The following TRPM7 variants were observed in gnomAD, a reference collection of about 807,000 sequenced individuals.
TRPM7 encodes transient receptor potential cation channel subfamily M member 7, also known as LTRPC ion channel family member 7.
In TRPM7, 134 loss-of-function variants were observed where a neutral mutation model predicts 229.7. The ratio of observed to expected loss-of-function variants is 0.58; its 90% CI spans 0.51 to 0.67. The LOEUF (loss-of-function observed/expected upper bound fraction) is 0.67. Among genes scored for constraint, TRPM7 ranks in the 30% least tolerant of loss-of-function variants. TRPM7 has a pLI of 0.00. For synonymous variants in TRPM7, 699 were observed against 715.2 expected, an observed-to-expected ratio of 0.98 and a Z score of 0.36; for missense variants, 1,901 against 2,210.0, an observed-to-expected ratio of 0.86 and a Z score of 2.80.
intron 17 of TRPM7, 50 bp from the exon 18 acceptor site, chr15:50,610,011 G>T: frequency 8.0e-7 from 1 of 1,253,428 alleles, no homozygotes; most frequent in Non-Finnish European, 1.1e-6. Context: ...TGACCTTCAA[G>T]AATATAATAA....
chr15:50,632,046 T>C (rs1248816942), intron 9 of TRPM7, among the ~76,000 whole-genome samples: 1 of 152,186 alleles, frequency 6.6e-6, no homozygotes, highest in Admixed American at 6.6e-5. Context: ...CTCATGCTTG[T>C]AATCCCAGCA....
intron 28 of TRPM7, among the ~76,000 whole-genome samples, chr15:50,584,632 TTA>T: frequency 6.6e-6 from 1 of 151,490 alleles, no homozygotes; most frequent in Non-Finnish European, 1.5e-5. Context: ...TTTTTTTTTT[TTA>T]AATTTTGGAA....
In TRPM7 at chr15:50,609,836, G is replaced by A; in HGVS notation, c.2406C>T (p.Asn802=). The A allele has an allele frequency of 6.2e-7, 1 of 1,612,786 alleles. No homozygotes were observed. The highest frequency in any genetic ancestry group is 8.5e-7 in the Non-Finnish European group (1 of 1,179,404). ...HQMTMDDSEN[N]FQNITEEIPM... The stretch of plus-strand genomic sequence containing the variant: ...GGATCTCTTCTGTTATGTTCTGAAA[G>A]TTGTTTTCGCTGTCATCCATTGTCA... Residue 802 remains asparagine, a synonymous_variant, in exon 18 of 39, where the codon AAC becomes AAT. Transcript: ENST00000646667.
At position 50,618,565 on chromosome 15, in the gene TRPM7, G is replaced by A. The variant is rs567098787; in HGVS notation, c.1494+1180C>T. Among the ~76,000 whole-genome samples, 129 of 136,284 alleles carry A rather than the reference G, an allele frequency of 9.5e-4. 1 individual carries two copies. Among genetic ancestry groups the A allele is most frequent in the African/African-American group, 3.4e-3 (119 of 35,442 alleles). The allele number at this position is 136,284 out of a possible 152,430, so 89.4% of individuals were successfully genotyped here. Reference sequence around the variant, plus strand: ...AGCCTGGGCGACAGAGCAAGATTCCGTCTCAATAAATAAATAAATAAATAA... The same window carrying A: ...AGCCTGGGCGACAGAGCAAGATTCCATCTCAATAAATAAATAAATAAATAA... On this transcript the variant is annotated intron_variant, in intron 13 of 38. Transcript: ENST00000646667.
In TRPM7 at chr15:50,570,880, A is replaced by G. The variant is rs964821285; in HGVS notation, c.5309-725T>C. ...AAAAAAAAACAAAAACAAAAACAAA[A>G]AACAAGTGTTTGGGATTTAAGGGAA... On this transcript the variant is annotated intron_variant, in intron 36 of 38. Transcript: ENST00000646667. Among the ~76,000 whole-genome samples the G allele has an allele frequency of 5.3e-5, 8 of 151,836 alleles. No homozygotes were observed. In the East Asian group the frequency reaches 1.3e-3, roughly 26 times the overall value.
chr15:50,643,283 G>A (rs978821444), intron 5 of TRPM7, 57 bp downstream of exon 5: 87 of 1,408,782 alleles, frequency 6.2e-5, no homozygotes, highest in East Asian at 1.1e-4. Flanking sequence ...GTGAGAGTCC[G>A]TCTCAAAAAA....
intron 3 of TRPM7, 22 bp from the exon 4 acceptor site, chr15:50,648,907 A>C (rs938180718): frequency 3.8e-6 from 6 of 1,571,064 alleles, no homozygotes; most frequent in Non-Finnish European, 4.3e-6. Flanking sequence ...AGGTGAGATT[A>C]AAACACCCTT....
At chr15:50,600,138 T>C (rs1483164234) in intron 21 of TRPM7, among the ~76,000 whole-genome samples, 1 of 152,246 alleles carries the variant, frequency 6.6e-6, no homozygotes, top group South Asian at 2.1e-4. Context: ...CTAGACAATA[T>C]AAAAAAGTGA....
intron 1 of TRPM7, among the ~76,000 whole-genome samples, chr15:50,672,898 C>CAAA (rs35153596): frequency 0.031 from 814 of 26,210 alleles, 178 homozygotes; most frequent in Non-Finnish European, 0.036. Flanking sequence ...GACTCTGTCT[C>CAAA]AAAAAAAAAA....
rs2061618860 is a variant in TRPM7, at chr15:50,657,911, A to T, written c.84-92T>A. 3.2e-6 allele frequency: 3 copies of T among 925,078 alleles called. No homozygotes were observed. In the East Asian group the frequency reaches 8.0e-5, roughly 25 times the overall value. The allele number at this position is 925,078 out of a possible 1,614,324, so 57.3% of individuals were successfully genotyped here. On this transcript the variant is annotated intron_variant, in intron 2 of 38. Coordinates refer to ENST00000646667, the MANE Select transcript of TRPM7 (RefSeq NM_017672.6). ...AATACATAAAATACAAAACAAAAAA[A>T]ATTATATACCTAGTTTAATTTTTCA...
At chr15:50,657,680 T>C (rs2061611511) in intron 3 of TRPM7, 101 bp downstream of exon 3, 7 of 1,048,308 alleles carry the variant, frequency 6.7e-6, no homozygotes, top group Non-Finnish European at 5.7e-6. Flanking sequence ...TCAAATATAA[T>C]AGCATGTGAG....
intron 10 of TRPM7, among the ~76,000 whole-genome samples, chr15:50,629,340 T>C (rs976100051): frequency 6.7e-6 from 1 of 149,400 alleles, no homozygotes; most frequent in Admixed American, 6.7e-5. Flanking sequence ...TGGCGTGGTC[T>C]TGGTTCACTG....
At chr15:50,614,361 T>C in intron 13 of TRPM7, 98 bp from the exon 14 acceptor site, 2 of 1,157,814 alleles carry the variant, frequency 1.7e-6, no homozygotes, top group Non-Finnish European at 2.4e-6. Context: ...ATGACAAATG[T>C]TTACTTCTTA....
chr15:50,618,038 G>C (rs1400661853), intron 13 of TRPM7, among the ~76,000 whole-genome samples: 1 of 152,030 alleles, frequency 6.6e-6, no homozygotes. Context: ...CAAAATTTAA[G>C]TTTAGAAACT....
intron 2 of TRPM7, among the ~76,000 whole-genome samples, chr15:50,661,381 A>G (rs1023747983): frequency 1.3e-5 from 2 of 152,184 alleles, no homozygotes; most frequent in Non-Finnish European, 2.9e-5. Flanking sequence ...CACTGAGAAA[A>G]AGTTAAAAAT....
At chr15:50,627,669 G>A (rs75029333) in intron 11 of TRPM7, among the ~76,000 whole-genome samples, 1,574 of 152,230 alleles carry the variant, frequency 0.01, 30 homozygotes, top group African/African-American at 0.035. Context: ...AAGGATGACA[G>A]ACTAGACCAG....
intron 25 of TRPM7, among the ~76,000 whole-genome samples, 183 bp from the exon 26 acceptor site, chr15:50,592,809 A>T (rs2059539810): frequency 6.6e-6 from 1 of 152,228 alleles, no homozygotes. Context: ...ATCCAGTGCT[A>T]ATCTTATATT....
chr15:50,644,841 C>A (rs1203578518), intron 4 of TRPM7, among the ~76,000 whole-genome samples: 6 of 145,410 alleles, frequency 4.1e-5, no homozygotes, highest in African/African-American at 1.0e-4. Context: ...GCCCAAAAAA[C>A]CCCAGAATTC....
At chr15:50,564,916 T>C (rs2053525798) in intron 38 of TRPM7, among the ~76,000 whole-genome samples, 2 of 152,162 alleles carry the variant, frequency 1.3e-5, no homozygotes, top group African/African-American at 2.4e-5. Context: ...CTTAATTATA[T>C]TGTTAACTAG....
Sources: allele counts gnomAD v4.1 joint callset (sites outside exome capture counted in the v4.1 genomes callset), GRCh38; gene constraint gnomAD v4.1.1; transcripts MANE v1.5; gene names NCBI Gene and HGNC (gene_info 2026-07-23, HGNC 2026-07-21).